The following NAALAD2 variants were observed in gnomAD, a reference collection of about 807,000 sequenced individuals.
NAALAD2 encodes N-acetylated-alpha-linked acidic dipeptidase 2.
NAALAD2 carries 89 observed loss-of-function variants against 95.6 expected under a neutral mutation model. The observed-to-expected ratio is 0.93, with a 90% CI of 0.78 to 1.11. NAALAD2 has a LOEUF of 1.11. NAALAD2 is among the 50% of genes least tolerant of loss of function. The pLI is 0.00. For synonymous variants in NAALAD2, 264 were observed against 294.4 expected (o/e 0.90, Z 1.06); for missense variants, 894 against 872.4 (o/e 1.02, Z -0.31).
intron 2 of NAALAD2, among the ~76,000 whole-genome samples, chr11:90,144,757 G>GAAAAAAAAAAAAAAAAAAAAA (rs1302696048): frequency 2.3e-5 from 3 of 129,496 alleles, no homozygotes; most frequent in Non-Finnish European, 3.2e-5. Context: ...AAAAAAAAAC[G>GAAAAAAAAAAAAAAAAAAAAA]GAAAAGAAAG....
chr11:90,163,175 AAAG>A (rs1181464096), intron 9 of NAALAD2, 132 bp from the exon 10 acceptor site: 1 of 1,247,470 alleles, frequency 8.0e-7, no homozygotes, highest in African/African-American at 1.5e-5. Context: ...TACAAATCTA[AAAG>A]AAGATTTTAC....
In NAALAD2 at chr11:90,154,838, G is replaced by GTATATACGTATACATAATATATATATAT. The variant is rs1565521237; in HGVS notation, c.796+2374_796+2375insATATATATTATATACGTATACATAATAT. Among the ~76,000 whole-genome samples, 91 of 122,716 alleles carry GTATATACGTATACATAATATATATATAT rather than the reference G, an allele frequency of 7.4e-4. 1 individual carries two copies. The highest frequency in any genetic ancestry group is 2.7e-3 in the African/African-American group (90 of 32,950). 80.5% of individuals were successfully genotyped at this position (122,716 alleles called of 152,430 possible). ...TATATGTAATATGTAATGTTACATA[G>GTATATACGTATACATAATATATATATAT]TATATACGTATACATAATATGTATA... On this transcript the variant is annotated intron_variant, in intron 6 of 18. Coordinates refer to ENST00000534061, the MANE Select transcript of NAALAD2 (RefSeq NM_005467.4).
intron 6 of NAALAD2, among the ~76,000 whole-genome samples, chr11:90,153,562 G>T (rs1486362462): frequency 1.3e-5 from 2 of 151,866 alleles, no homozygotes; most frequent in Non-Finnish European, 2.9e-5. Context: ...ATGAGTTTTA[G>T]CACTAATTTA....
intron 11 of NAALAD2, among the ~76,000 whole-genome samples, chr11:90,167,501 G>A (rs1168968349): frequency 1.3e-5 from 2 of 152,202 alleles, no homozygotes; most frequent in Non-Finnish European, 1.5e-5. Context: ...CAGTCCCATC[G>A]ACTGACCAAG....
At chr11:90,134,574 C>T, upstream of NAALAD2, 1 of 590,990 alleles carries the variant, frequency 1.7e-6, no homozygotes, top group South Asian at 2.1e-5. Flanking sequence ...TGCAGGGCTT[C>T]CTTTCCCCCA....
chr11:90,181,808 C>T lies in NAALAD2; in HGVS notation c.1940+107C>T, dbSNP rs565669735. The T allele has an allele frequency of 1.5e-4, 106 of 713,792 alleles. 1 individual carries two copies. The African/African-American group carries it at 1.8e-3, about 12-fold the overall frequency. The allele number at this position is 713,792 out of a possible 1,614,324, so 44.2% of individuals were successfully genotyped here. A position where few individuals can be genotyped will look rare whatever the true frequency, so the allele number is the denominator to read the frequency against. On this transcript the variant is annotated intron_variant, in intron 17 of 18. Coordinates refer to ENST00000534061, the MANE Select transcript of NAALAD2 (RefSeq NM_005467.4). ...CATTAACCTCTAAATCACTACTATT[C>T]AAATTATAGTCTGCAAATCAGCAAT...
chr11:90,144,324 T>C (rs761053065), intron 2 of NAALAD2, among the ~76,000 whole-genome samples: 2 of 152,074 alleles, frequency 1.3e-5, no homozygotes, highest in African/African-American at 4.8e-5. Flanking sequence ...AAAAGAGATA[T>C]ATTTGAAAGA....
rs1056858402 is a variant in NAALAD2 at position 90,174,004 on chromosome 11, C to A, written c.1502+89C>A. 1.6e-5 allele frequency: 14 copies of A among 897,552 alleles called. No homozygotes were observed. The African/African-American group carries it at 2.0e-4, about 13-fold the overall frequency. 55.6% of individuals were successfully genotyped at this position (897,552 alleles called of 1,614,324 possible). A position where few individuals can be genotyped will look rare whatever the true frequency, so the allele number is the denominator to read the frequency against. ...TTTCTCCAAGCATGAAATTCTCAAG[C>A]GTCTCATCAATAATTTGAGCCAAGA... On this transcript the variant is annotated intron_variant, in intron 14 of 18. Transcript: ENST00000534061.
chr11:90,174,504 T>C (rs1332507960), intron 14 of NAALAD2, among the ~76,000 whole-genome samples: 1 of 152,132 alleles, frequency 6.6e-6, no homozygotes, highest in Non-Finnish European at 1.5e-5. Context: ...TAAAATTTCA[T>C]TTACATATGT....
chr11:90,187,393 T>C (rs1211168647), intron 18 of NAALAD2, among the ~76,000 whole-genome samples: 1 of 152,058 alleles, frequency 6.6e-6, no homozygotes, highest in African/African-American at 2.4e-5. Context: ...TTTGAACTAT[T>C]AGCTGAATGT....
In NAALAD2 at chr11:90,152,346, G is replaced by C. The variant is rs770283714; in HGVS notation, c.658G>C (p.Asp220His). 1.9e-6 allele frequency: 3 copies of C among 1,613,092 alleles called. No individual in the cohort carries two copies. The South Asian group carries it at 3.3e-5, about 18-fold the overall frequency. Residue 220 changes from aspartate to histidine, a missense_variant, in exon 6 of 19, where the codon GAT becomes CAT. Transcript: ENST00000534061. The stretch of plus-strand genomic sequence containing the variant: ...AGCCATAGGAATCATCTTGTACTCA[G>C]ATCCAGCTGACTACTTTGCTCCTGA... ...AGAIGIILYS[D>H]PADYFAPEVQ...
At chr11:90,190,879 G>A (rs183750321) in intron 18 of NAALAD2, among the ~76,000 whole-genome samples, 2 of 152,208 alleles carry the variant, frequency 1.3e-5, no homozygotes, top group South Asian at 2.1e-4. Context: ...AATTCCTGAT[G>A]TATTAATAAA....
chr11:90,138,968 C>T (rs1023150295), intron 2 of NAALAD2, among the ~76,000 whole-genome samples: 3 of 151,752 alleles, frequency 2.0e-5, no homozygotes, highest in African/African-American at 4.8e-5. Context: ...GGTTCTCTTC[C>T]GTAGTATTGA....
rs1288097974 is a variant in NAALAD2, at chr11:90,192,779, A to G, written c.*1032A>G. ...ATAGCTACTACAATCTTCATATTCT[A>G]ACTCCTATAAAGACTGTATATCAGA... On this transcript the variant is annotated 3_prime_UTR_variant, in exon 19 of 19. Coordinates refer to ENST00000534061, the MANE Select transcript of NAALAD2 (RefSeq NM_005467.4). 1 of 151,986 alleles carries G rather than the reference A, an allele frequency of 6.6e-6. No homozygotes were observed. The highest frequency in any genetic ancestry group is 2.4e-5 in the African/African-American group (1 of 41,422). The allele number at this position is 151,986 out of a possible 1,614,324, so 9.4% of individuals were successfully genotyped here.
chr11:90,144,846 G>C lies in NAALAD2; in HGVS notation c.195-2484G>C, dbSNP rs140663649. ...TTGATTGCAGAGCTAAAGGGTTAAT[G>C]AACACAGCAGAAGAGTTTAGAAGGC... On this transcript the variant is annotated intron_variant, in intron 2 of 18. Coordinates refer to ENST00000534061, the MANE Select transcript of NAALAD2 (RefSeq NM_005467.4). 1.5e-3 allele frequency among the ~76,000 whole-genome samples: 221 copies of C among 151,844 alleles called. 1 individual carries two copies. Among genetic ancestry groups the C allele is most frequent in the African/African-American group, 4.9e-3 (204 of 41,410 alleles).
Position 90,191,968 on chromosome 11 carries a change from G to A in NAALAD2, c.*221G>A, listed in dbSNP as rs2135008412. The A allele has an allele frequency of 6.8e-6, 2 of 293,554 alleles. No homozygotes were observed. Among genetic ancestry groups the A allele is most frequent in the East Asian group, 1.1e-4 (2 of 18,162 alleles). 18.2% of individuals were successfully genotyped at this position (293,554 alleles called of 1,614,324 possible). A position where few individuals can be genotyped will look rare whatever the true frequency, so the allele number is the denominator to read the frequency against. ...ATCTAATGAAGTAAAAAACTCCTGT[G>A]TGGCAGAAAGTAAAAGAAAATTCCC... On this transcript the variant is annotated 3_prime_UTR_variant, in exon 19 of 19. Coordinates refer to ENST00000534061, the MANE Select transcript of NAALAD2 (RefSeq NM_005467.4).
chr11:90,177,505 C>T (rs1952827990), intron 15 of NAALAD2, among the ~76,000 whole-genome samples: 1 of 145,746 alleles, frequency 6.9e-6, no homozygotes, highest in Non-Finnish European at 1.5e-5. Flanking sequence ...GAATATTTGG[C>T]TATAGTGTTT....
At position 90,135,587 on chromosome 11, in the gene NAALAD2, G is replaced by A. The variant is rs10734123; in HGVS notation, c.111G>A (p.Thr37=). The change falls in exon 2 of 19, where the codon ACG becomes ACA. Residue 37 remains threonine (T), a synonymous_variant. Coordinates refer to ENST00000534061, the MANE Select transcript of NAALAD2 (RefSeq NM_005467.4). ...VGWFIKPLKE[T]TTSVRYHQSI... ...GGTTTATTAAGCCTCTCAAAGAAAC[G>A]ACCACTTCTGTGCGCTATCATCAAA... The A allele has an allele frequency of 0.38, 613,384 of 1,608,484 alleles. 122,284 individuals carry two copies. Among genetic ancestry groups the A allele is most frequent in the African/African-American group, 0.62 (46,193 of 74,780 alleles).
At chr11:90,149,404 G>T (rs78335394) in intron 4 of NAALAD2, among the ~76,000 whole-genome samples, 6,680 of 152,146 alleles carry the variant, frequency 0.044, 495 homozygotes, top group African/African-American at 0.15. Context: ...GAGGCAGTAG[G>T]TGTTTTTTTG....
Sources: allele counts gnomAD v4.1 joint callset (sites outside exome capture counted in the v4.1 genomes callset), GRCh38; gene constraint gnomAD v4.1.1; transcripts MANE v1.5; gene names NCBI Gene and HGNC (gene_info 2026-07-23, HGNC 2026-07-21).